Variants in HOOK3 observed in about 807,000 individuals in gnomAD.
HOOK3 encodes the protein protein Hook homolog 3.
Under a neutral mutation model 116.3 loss-of-function variants are expected in HOOK3, and 24 were observed. That is an observed-to-expected ratio of 0.21 (90% CI 0.15 to 0.29). The LOEUF is 0.29. HOOK3 is among the 10% of genes least tolerant of loss of function. HOOK3 has a pLI of 1.00. For synonymous variants in HOOK3, 275 were observed against 283.0 expected (o/e 0.97, Z 0.28); for missense variants, 632 against 830.2 (o/e 0.76, Z 2.93).
In HOOK3 at chr8:43,007,766, A is replaced by G; in HGVS notation, c.1656-81A>G. On this transcript the variant is annotated intron_variant, in intron 17 of 21. Transcript: ENST00000307602. The stretch of plus-strand genomic sequence containing the variant: ...TGCATGCAATGCAAGTGTAATCCAA[A>G]TATAAGGAACTCAGATCTTTAATTT... 5 of 746,394 alleles carry G rather than the reference A, an allele frequency of 6.7e-6. No homozygotes were observed. The South Asian group carries it at 1.3e-4, about 20-fold the overall frequency. The allele number at this position is 746,394 out of a possible 1,614,324, so 46.2% of individuals were successfully genotyped here.
intron 1 of HOOK3, among the ~76,000 whole-genome samples, chr8:42,905,928 A>G (rs147281616): frequency 7.9e-5 from 12 of 152,102 alleles, no homozygotes; most frequent in Middle Eastern, 3.4e-3. Context: ...TCTACTAAAG[A>G]TACAGAAAAT....
At chr8:42,961,309 C>T (rs1808530671) in intron 8 of HOOK3, among the ~76,000 whole-genome samples, 1 of 152,198 alleles carries the variant, frequency 6.6e-6, no homozygotes, top group Admixed American at 6.5e-5. Context: ...CTTTCTTGTG[C>T]AATGATTTGT....
intron 3 of HOOK3, among the ~76,000 whole-genome samples, chr8:42,929,505 G>A (rs916487594): frequency 3.9e-5 from 6 of 152,094 alleles, no homozygotes; most frequent in African/African-American, 1.4e-4. Context: ...TATGAGTTGG[G>A]TCAAACAGAA....
intron 2 of HOOK3, among the ~76,000 whole-genome samples, chr8:42,924,693 C>T (rs1807728516): frequency 6.6e-6 from 1 of 152,100 alleles, no homozygotes; most frequent in African/African-American, 2.4e-5. Flanking sequence ...GTGTCACTGG[C>T]CAGGGGTGAT....
chr8:42,998,113 C>T (rs908467404), intron 16 of HOOK3: 1 of 198,064 alleles, frequency 5.0e-6, no homozygotes, highest in African/African-American at 2.4e-5. Context: ...TTTTGCACAT[C>T]CCCCAGCACT....
At position 43,027,507 on chromosome 8, in the gene HOOK3, A is replaced by T; in HGVS notation, c.*9009A>T. ...TTCTACTGACGTGCTTTGCATGAGA[A>T]GCTCATCTAGAAGAGAGCAACGCTG... On this transcript the variant is annotated 3_prime_UTR_variant, in exon 22 of 22. Coordinates refer to ENST00000307602, the MANE Select transcript of HOOK3 (RefSeq NM_032410.4). 1 of 431,066 alleles carries T rather than the reference A, an allele frequency of 2.3e-6. No homozygotes were observed. Among genetic ancestry groups the T allele is most frequent in the Non-Finnish European group, 4.5e-6 (1 of 223,864 alleles). 26.7% of individuals were successfully genotyped at this position (431,066 alleles called of 1,614,324 possible).
intron 4 of HOOK3, among the ~76,000 whole-genome samples, chr8:42,939,427 A>G (rs62515941): frequency 2.0e-5 from 2 of 98,062 alleles, no homozygotes; most frequent in African/African-American, 4.0e-5. Flanking sequence ...CGGATGGGGC[A>G]GCTGGCCGGG....
At chr8:42,991,960 A>G (rs547067443) in intron 15 of HOOK3, among the ~76,000 whole-genome samples, 24 of 152,180 alleles carry the variant, frequency 1.6e-4, no homozygotes, top group African/African-American at 4.8e-4. Context: ...TGTGTCTTCA[A>G]TTTCTTGCAT....
intron 15 of HOOK3, among the ~76,000 whole-genome samples, chr8:42,991,428 A>T (rs1457782775): frequency 2.2e-5 from 3 of 136,078 alleles, no homozygotes; most frequent in African/African-American, 8.4e-5. Flanking sequence ...TTGGAGATAG[A>T]GTCTGTCTCT....
At chr8:43,012,688 C>T (rs1214299587) in intron 19 of HOOK3, among the ~76,000 whole-genome samples, 1 of 152,158 alleles carries the variant, frequency 6.6e-6, no homozygotes, top group East Asian at 1.9e-4. Flanking sequence ...CAGCCTCAAC[C>T]TCCCAGGCTC....
chr8:42,906,328 TA>T, intron 2 of HOOK3, 70 bp downstream of exon 2: 2 of 1,119,516 alleles, frequency 1.8e-6, no homozygotes, highest in Non-Finnish European at 2.7e-6. Context: ...AAACATGGAT[TA>T]AAAAAGTACT....
rs567463478 is a variant in HOOK3 at position 42,959,466 on chromosome 8, C to T, written c.615+152C>T. 78 of 540,920 alleles carry T rather than the reference C, an allele frequency of 1.4e-4. 1 individual carries two copies. In the South Asian group the frequency reaches 1.8e-3, roughly 12 times the overall value. The allele number at this position is 540,920 out of a possible 1,614,324, so 33.5% of individuals were successfully genotyped here. ...GGGCGCAGTGGCTCACACCTGTAATCCCAGCACTTCGGGAGGCTGAGGGTG... is the reference window on the plus strand; with the variant it reads ...GGGCGCAGTGGCTCACACCTGTAATTCCAGCACTTCGGGAGGCTGAGGGTG... On this transcript the variant is annotated intron_variant, in intron 8 of 21. Coordinates refer to ENST00000307602, the MANE Select transcript of HOOK3 (RefSeq NM_032410.4).
intron 10 of HOOK3, among the ~76,000 whole-genome samples, 163 bp downstream of exon 10, chr8:42,966,776 GAA>G (rs1255589926): frequency 6.6e-6 from 1 of 152,122 alleles, no homozygotes; most frequent in African/African-American, 2.4e-5. Flanking sequence ...CTGCAAAATG[GAA>G]ACAATACACA....
At chr8:42,915,180 G>A (rs973605288) in intron 2 of HOOK3, among the ~76,000 whole-genome samples, 6 of 152,036 alleles carry the variant, frequency 3.9e-5, no homozygotes, top group East Asian at 1.9e-4. Flanking sequence ...GGGACTGTCC[G>A]ATGGTCACCA....
At position 43,021,397 on chromosome 8, in the gene HOOK3, G is replaced by A. The variant is rs772963314; in HGVS notation, c.*2899G>A. On this transcript the variant is annotated 3_prime_UTR_variant, in exon 22 of 22. Coordinates refer to ENST00000307602, the MANE Select transcript of HOOK3 (RefSeq NM_032410.4). Reference sequence around the variant, plus strand: ...CGGCTCACTGCAGCCTCTGCCTCCCGGGTTCAAGCAATTCTCCTGCCTCAG... The same window carrying A: ...CGGCTCACTGCAGCCTCTGCCTCCCAGGTTCAAGCAATTCTCCTGCCTCAG... The A allele has an allele frequency of 1.2e-3, 209 of 174,634 alleles. No homozygotes were observed. Among genetic ancestry groups the A allele is most frequent in the Non-Finnish European group, 2.0e-3 (163 of 81,432 alleles). 10.8% of individuals were successfully genotyped at this position (174,634 alleles called of 1,614,324 possible).
chr8:42,936,146 TTAG>T (rs1359914328), intron 4 of HOOK3, among the ~76,000 whole-genome samples: 1 of 152,236 alleles, frequency 6.6e-6, no homozygotes, highest in Non-Finnish European at 1.5e-5. Context: ...TTTTATTCTC[TTAG>T]TAGCAGTTGC....
chr8:42,924,089 C>T (rs1807715105), intron 2 of HOOK3, among the ~76,000 whole-genome samples: 1 of 151,884 alleles, frequency 6.6e-6, no homozygotes, highest in Non-Finnish European at 1.5e-5. Flanking sequence ...TTGAAACATA[C>T]ATTTTTTTCT....
At chr8:43,011,993 T>C (rs1013347341) in intron 19 of HOOK3, among the ~76,000 whole-genome samples, 4 of 152,144 alleles carry the variant, frequency 2.6e-5, no homozygotes, top group Non-Finnish European at 5.9e-5. Context: ...CCAAACAGGA[T>C]TGCCAGCAGA....
chr8:42,964,879 G>C (rs1383772759), intron 9 of HOOK3, among the ~76,000 whole-genome samples: 1 of 151,942 alleles, frequency 6.6e-6, no homozygotes, highest in African/African-American at 2.4e-5. Flanking sequence ...GGAAACTGCA[G>C]TCCATTGAGG....
Sources: gnomAD v4.1 joint callset for allele counts (sites outside exome capture counted in the v4.1 genomes callset) on GRCh38, gnomAD v4.1.1 for gene constraint, MANE v1.5 for transcripts, NCBI Gene and HGNC (gene_info 2026-07-23, HGNC 2026-07-21) for gene names.